Variants in ALS2CL observed in about 807,000 individuals in gnomAD.
ALS2CL encodes ALS2 C-terminal-like protein.
Under a neutral mutation model 127.9 loss-of-function variants are expected in ALS2CL, and 112 were observed. The observed-to-expected ratio is 0.88, with a 90% CI of 0.75 to 1.02. The LOEUF is 1.02. Among genes scored for constraint, ALS2CL ranks in the 50% least tolerant of loss-of-function variants. The pLI is 0.00. For missense variants in ALS2CL, 1,174 were observed against 1,236.7 expected (o/e 0.95, Z 0.76); for synonymous variants, 519 against 527.6 (o/e 0.98, Z 0.22).
In ALS2CL at chr3:46,672,012, C is replaced by A. The variant is rs1285298351; in HGVS notation, c.2556G>T (p.Glu852Asp). The A allele has an allele frequency of 6.2e-7, 1 of 1,614,108 alleles. No individual in the cohort carries two copies. Among genetic ancestry groups the A allele is most frequent in the Non-Finnish European group, 8.5e-7 (1 of 1,180,034 alleles). Residue 852 changes from glutamate (E) to aspartate (D), a missense_variant, in exon 24 of 26, where the codon GAG (glutamate) becomes GAT (aspartate). Glu to Asp is a conservative substitution (Grantham distance 45). Transcript: ENST00000318962. ...ATGTCCTCTCCAGCACCTCCAGCTT[C>A]TCCCGTGGGTCCACCGTGGTCCTGC... ...QKIMTTVDPREKLEVLERTYG... is the reference protein window; with the variant it reads ...QKIMTTVDPRDKLEVLERTYG...
intron 14 of ALS2CL, 57 bp from the exon 15 acceptor site, chr3:46,679,344 C>T: frequency 2.8e-6 from 4 of 1,442,138 alleles, no homozygotes; most frequent in Middle Eastern, 1.9e-4. Flanking sequence ...GGCCAGGAAA[C>T]TCAGGGTGGA....
In ALS2CL at chr3:46,691,960, C is replaced by T. The variant is rs1700183984; in HGVS notation, c.-26+1683G>A. On this transcript the variant is annotated intron_variant, in intron 1 of 25. Coordinates refer to ENST00000318962, the MANE Select transcript of ALS2CL (RefSeq NM_147129.5). Reference sequence around the variant, plus strand: ...GTGGGGATCTGGTCCTTAGACTCCCCACCCCACAAAGCAGCCTATGACTCC... The same window carrying T: ...GTGGGGATCTGGTCCTTAGACTCCCTACCCCACAAAGCAGCCTATGACTCC... Among the ~76,000 whole-genome samples, 3 of 151,970 alleles carry T rather than the reference C, an allele frequency of 2.0e-5. No homozygotes were observed. In the South Asian group the frequency reaches 6.2e-4, roughly 32 times the overall value.
At position 46,681,925 on chromosome 3, in the gene ALS2CL, G is replaced by A; in HGVS notation, c.1175+104C>T. 7.3e-7 allele frequency: 1 copy of A among 1,371,788 alleles called. No individual in the cohort carries two copies. Among genetic ancestry groups the A allele is most frequent in the Non-Finnish European group, 1.0e-6 (1 of 986,126 alleles). The allele number at this position is 1,371,788 out of a possible 1,614,324, so 85.0% of individuals were successfully genotyped here. A position where few individuals can be genotyped will look rare whatever the true frequency, so the allele number is the denominator to read the frequency against. ...GGATTGTCTCTAAGTTCCTGCTTGA[G>A]GTTTGGGAATTCAGGATGGGGCCGG... On this transcript the variant is annotated intron_variant, in intron 11 of 25. Coordinates refer to ENST00000318962, the MANE Select transcript of ALS2CL (RefSeq NM_147129.5). The surrounding 1 kb of genome is among the most constrained non-coding windows in gnomAD (Gnocchi z 4.9).
chr3:46,670,994 T>A lies in ALS2CL; in HGVS notation c.2852A>T (p.Glu951Val), dbSNP rs1317391854. 14 of 1,614,052 alleles carry A rather than the reference T, an allele frequency of 8.7e-6. No homozygotes were observed. Among genetic ancestry groups the A allele is most frequent in the Non-Finnish European group, 1.2e-5 (14 of 1,179,884 alleles). ...CCAGGAAAGGCCAGGCTACCAGAGCTCCCTGGAGTGCCAGTGGCCAGGTAA... is the reference window on the plus strand; with the variant it reads ...CCAGGAAAGGCCAGGCTACCAGAGCACCCTGGAGTGCCAGTGGCCAGGTAA... Reference protein sequence around the residue: ...HRLPGHWHSRELW With the variant: ...HRLPGHWHSRVLW Residue 951 changes from glutamate to valine, a missense_variant, in exon 26 of 26, where the codon GAG (glutamate) becomes GTG (valine). By Grantham distance (121) the Glu-to-Val change is moderately radical (BLOSUM62 -2). Coordinates refer to ENST00000318962, the MANE Select transcript of ALS2CL (RefSeq NM_147129.5). This position sits in a 1 kb window ranked among gnomAD's most constrained non-coding sequence, Gnocchi z 5.5.
intron 22 of ALS2CL, 73 bp from the exon 23 acceptor site, chr3:46,672,274 G>A (rs61277784): frequency 0.23 from 359,550 of 1,563,368 alleles, 42,093 homozygotes; most frequent in Admixed American, 0.32. Flanking sequence ...TCCCAGGGCC[G>A]GGCCTGAGTC....
chr3:46,671,734 G>A lies in ALS2CL; in HGVS notation c.2684+150C>T, dbSNP rs58784389. Reference sequence around the variant, plus strand: ...CCTCTAGCACCCCAGCACCCTGGCTGGGACCCTCCCTTTTCTGGGCCTTGG... The same window carrying A: ...CCTCTAGCACCCCAGCACCCTGGCTAGGACCCTCCCTTTTCTGGGCCTTGG... On this transcript the variant is annotated intron_variant, in intron 24 of 25. Transcript: ENST00000318962. 0.023 allele frequency: 34,779 copies of A among 1,526,732 alleles called. 3,721 individuals carry two copies. The African/African-American group carries it at 0.31, about 13-fold the overall frequency. 94.6% of individuals were successfully genotyped at this position (1,526,732 alleles called of 1,614,324 possible).
At chr3:46,672,307 G>T in intron 22 of ALS2CL, 106 bp from the exon 23 acceptor site, 1 of 1,385,190 alleles carries the variant, frequency 7.2e-7, no homozygotes, top group Non-Finnish European at 1.0e-6. Context: ...TCCCTTCACT[G>T]CCAGCTTTAG....
At position 46,670,965 on chromosome 3, in the gene ALS2CL, C is replaced by A; in HGVS notation, c.*19G>T. 2 of 1,609,728 alleles carry A rather than the reference C, an allele frequency of 1.2e-6. No homozygotes were observed. The highest frequency in any genetic ancestry group is 2.2e-5 in the South Asian group (2 of 90,988). On this transcript the variant is annotated 3_prime_UTR_variant, in exon 26 of 26. Transcript: ENST00000318962. This position sits in a 1 kb window ranked among gnomAD's most constrained non-coding sequence, Gnocchi z 5.5. The stretch of plus-strand genomic sequence containing the variant: ...GCAGTGCCCTGCTCAGCTCTTCAGT[C>A]TGTCCAGGAAAGGCCAGGCTACCAG...
chr3:46,679,359 G>A (rs1224880724), intron 14 of ALS2CL, 72 bp from the exon 15 acceptor site: 1 of 1,322,804 alleles, frequency 7.6e-7, no homozygotes, highest in African/African-American at 1.5e-5. Context: ...GGTGGAGAGA[G>A]ATGGCCAAAG....
At position 46,672,172 on chromosome 3, in the gene ALS2CL, G is replaced by A. The variant is rs1698453277; in HGVS notation, c.2502C>T (p.Phe834=). Residue 834 remains phenylalanine (F), a synonymous_variant, in exon 23 of 26, where the codon TTC becomes TTT. Coordinates refer to ENST00000318962, the MANE Select transcript of ALS2CL (RefSeq NM_147129.5). ...TCTGCAGGCACTCGGTGGCTGACAG[G>A]AAACACTTGTCCCTGACCAGGGAGT... is the stretch of plus-strand genomic sequence containing the variant. ...QRYSLVRDKC[F]LSATECLQKI... 2.5e-6 allele frequency: 4 copies of A among 1,614,042 alleles called. No individual in the cohort carries two copies. Among genetic ancestry groups the A allele is most frequent in the South Asian group, 1.1e-5 (1 of 91,072 alleles).
At position 46,671,536 on chromosome 3, in the gene ALS2CL, G is replaced by A. The variant is rs1382859767; in HGVS notation, c.2733C>T (p.Asp911=). The change falls in exon 25 of 26, where the codon GAC becomes GAT. Residue 911 remains aspartate, a synonymous_variant. Coordinates refer to ENST00000318962, the MANE Select transcript of ALS2CL (RefSeq NM_147129.5). The part of the protein sequence containing the change: ...AEIHLIRDMM[D]PNHTGGLYDF... ...CATACAGGCCTCCTGTGTGGTTGGG[G>A]TCCATCATGTCACGGATCAGGTGGA... The A allele has an allele frequency of 1.2e-6, 2 of 1,614,052 alleles. No individual in the cohort carries two copies. Among genetic ancestry groups the A allele is most frequent in the Non-Finnish European group, 1.7e-6 (2 of 1,179,998 alleles).
intron 1 of ALS2CL, among the ~76,000 whole-genome samples, chr3:46,691,722 CTTTT>C (rs1029410954): frequency 1.5e-5 from 2 of 134,696 alleles, no homozygotes. Flanking sequence ...TCTTTCTATT[CTTTT>C]TTTTTTTTTT....
chr3:46,680,823 C>T, intron 13 of ALS2CL: 1 of 532,434 alleles, frequency 1.9e-6, no homozygotes, highest in Non-Finnish European at 3.4e-6. Flanking sequence ...GAGGTAGGAG[C>T]ATGTGATGGA....
chr3:46,678,548 T>C (rs1699061311), intron 15 of ALS2CL, among the ~76,000 whole-genome samples, 159 bp from the exon 16 acceptor site: 2 of 152,210 alleles, frequency 1.3e-5, no homozygotes, highest in South Asian at 4.1e-4. Context: ...GAGGGGTTCA[T>C]AATCCTCTAT....
intron 6 of ALS2CL, 28 bp from the exon 7 acceptor site, chr3:46,685,672 G>A (rs1426831544): frequency 1.9e-5 from 31 of 1,600,520 alleles, no homozygotes; most frequent in Non-Finnish European, 2.2e-5. Flanking sequence ...ACAGTACAAG[G>A]CTTAGGCACC....
rs774141282 is a variant in ALS2CL at position 46,671,966 on chromosome 3, C to T, written c.2602G>A (p.Val868Met). ...ERTYGEIEGT[V>M]SRVLGREYKL... is the part of the protein sequence containing the mutation. ...TACTCCCGGCCCAATACCCTCGACA[C>T]CGTGCCCTCAATTTCCCCGTATGTC... Residue 868 changes from valine (V) to methionine (M), a missense_variant, in exon 24 of 26, where the codon GTG (valine) becomes ATG (methionine). Coordinates refer to ENST00000318962, the MANE Select transcript of ALS2CL (RefSeq NM_147129.5). 12 of 1,613,924 alleles carry T rather than the reference C, an allele frequency of 7.4e-6. No homozygotes were observed. Among genetic ancestry groups the T allele is most frequent in the Non-Finnish European group, 5.9e-6 (7 of 1,180,016 alleles).
chr3:46,677,172 G>A, intron 16 of ALS2CL, 150 bp from the exon 17 acceptor site: 1 of 1,440,860 alleles, frequency 6.9e-7, no homozygotes, highest in East Asian at 2.5e-5. Context: ...CATGCAGAGG[G>A]GGCTGACCTC....
rs113488576 is a variant in ALS2CL at position 46,672,049 on chromosome 3, T to TG, written c.2535-17dup. The TG allele has an allele frequency of 3.9e-3, 6,302 of 1,614,026 alleles. 204 individuals carry two copies. The African/African-American group carries it at 0.07, about 18-fold the overall frequency. On this transcript the variant is annotated splice_polypyrimidine_tract_variant and intron_variant, in intron 23 of 25. Transcript: ENST00000318962. ...CACCGTGGTCCTGCAGCAGGGTAGC[T>TG]GGCTCCAGGTCAAGGCCCTTGGTTC...
In ALS2CL at chr3:46,683,328, T is replaced by C. The variant is rs181113549; in HGVS notation, c.913-2A>G. On this transcript the variant is annotated splice_acceptor_variant, in intron 9 of 25. Coordinates refer to ENST00000318962, the MANE Select transcript of ALS2CL (RefSeq NM_147129.5). LOFTEE classifies it high-confidence loss of function. ...GGTCACCTTCCACTGCCAGACTGCCTGGTGGGAGGGGGAACATGGGGAAGG... is the reference window on the plus strand; with the variant it reads ...GGTCACCTTCCACTGCCAGACTGCCCGGTGGGAGGGGGAACATGGGGAAGG... 11 of 1,578,436 alleles carry C rather than the reference T, an allele frequency of 7.0e-6. No homozygotes were observed. In the African/African-American group the frequency reaches 8.1e-5, roughly 12 times the overall value.
Sources: allele counts gnomAD v4.1 joint callset (sites outside exome capture counted in the v4.1 genomes callset), GRCh38; gene constraint gnomAD v4.1.1; non-coding constraint Gnocchi (gnomAD v3.1); transcripts MANE v1.5; gene names NCBI Gene and HGNC (gene_info 2026-07-23, HGNC 2026-07-21).